USP49: variants seen among roughly 807,000 people sequenced by gnomAD.
USP49 encodes ubiquitin carboxyl-terminal hydrolase 49.
Under a neutral mutation model 58.6 loss-of-function variants are expected in USP49, and 24 were observed. That is an observed-to-expected ratio of 0.41 (90% CI 0.30 to 0.58). The LOEUF is 0.58. Ranked by LOEUF, USP49 falls within the 20% of genes least tolerant of loss-of-function variation. USP49 has a pLI of 0.30. For missense variants in USP49, 703 were observed against 866.1 expected, an observed-to-expected ratio of 0.81 and a Z score of 2.36; for synonymous variants, 408 against 365.1, an observed-to-expected ratio of 1.12 and a Z score of -1.34.
intron 4 of USP49, among the ~76,000 whole-genome samples, chr6:41,805,325 A>C (rs970255002): frequency 6.6e-6 from 1 of 152,218 alleles, no homozygotes; most frequent in Non-Finnish European, 1.5e-5. Context: ...AACAATGGGT[A>C]CTTAATTATA....
chr6:41,862,352 T>C (rs147023262), intron 3 of USP49, among the ~76,000 whole-genome samples: 2 of 152,356 alleles, frequency 1.3e-5, no homozygotes, highest in South Asian at 2.1e-4. Flanking sequence ...TCTTTAAATA[T>C]GTTTCAATAG....
intron 3 of USP49, among the ~76,000 whole-genome samples, chr6:41,820,075 G>A (rs1773427669): frequency 6.6e-6 from 1 of 152,052 alleles, no homozygotes; most frequent in South Asian, 2.1e-4. Context: ...GCAATCTGTG[G>A]TTCTTATTTA....
chr6:41,850,609 CTT>C (rs1392306401), intron 3 of USP49, among the ~76,000 whole-genome samples: 12 of 141,212 alleles, frequency 8.5e-5, no homozygotes, highest in East Asian at 2.0e-4. Flanking sequence ...TGGATAAATT[CTT>C]TTTTTTTTTT....
At chr6:41,851,822 G>A (rs1265571481) in intron 3 of USP49, among the ~76,000 whole-genome samples, 2 of 151,612 alleles carry the variant, frequency 1.3e-5, no homozygotes, top group East Asian at 1.9e-4. Context: ...AGGCATTGCG[G>A]CGGGCACCTG....
chr6:41,886,114 AAT>A, intron 2 of USP49, among the ~76,000 whole-genome samples: 1 of 152,208 alleles, frequency 6.6e-6, no homozygotes, highest in East Asian at 1.9e-4. Context: ...TTTTATATGC[AAT>A]GTTTATTAAC....
intron 3 of USP49, among the ~76,000 whole-genome samples, chr6:41,837,685 GAGAAAATATTTGC>G (rs1213718589): frequency 6.6e-6 from 1 of 152,142 alleles, no homozygotes; most frequent in Non-Finnish European, 1.5e-5. Flanking sequence ...CACAGAATGG[GAGAAAATATTTGC>G]AAGCTATGCA....
At chr6:41,822,098 ACT>A (rs1773462913) in intron 3 of USP49, among the ~76,000 whole-genome samples, 1 of 152,238 alleles carries the variant, frequency 6.6e-6, no homozygotes, top group Non-Finnish European at 1.5e-5. Flanking sequence ...GTAATAGAAT[ACT>A]AGTGCTACCA....
chr6:41,862,058 TTAAC>T (rs1439701741), intron 3 of USP49, among the ~76,000 whole-genome samples: 1 of 152,218 alleles, frequency 6.6e-6, no homozygotes, highest in Non-Finnish European at 1.5e-5. Flanking sequence ...CATAATGCAT[TTAAC>T]TAGCCCCCAT....
rs562629343 is a variant in USP49, at chr6:41,810,096, G to A, written c.-28-3085C>T. ...GAACCCGGGAGGCGGAGCTTGCAGT[G>A]AGCCGAGATCGCGCCACTGCACTTC... On this transcript the variant is annotated intron_variant, in intron 3 of 7. Coordinates refer to ENST00000682992, the MANE Select transcript of USP49 (RefSeq NM_001286554.2). Among the ~76,000 whole-genome samples the A allele has an allele frequency of 8.6e-5, 13 of 151,602 alleles. No homozygotes were observed. The East Asian group carries it at 2.3e-3, about 27-fold the overall frequency.
chr6:41,881,540 A>G (rs746036588), intron 2 of USP49, among the ~76,000 whole-genome samples: 1 of 152,120 alleles, frequency 6.6e-6, no homozygotes, highest in Non-Finnish European at 1.5e-5. Context: ...ACTAAAGGAA[A>G]AAAAAGTCTA....
Position 41,803,680 on chromosome 6 carries a change from A to T in USP49, c.1561+126T>A. On this transcript the variant is annotated intron_variant, in intron 5 of 7. Coordinates refer to ENST00000682992, the MANE Select transcript of USP49 (RefSeq NM_001286554.2). This position sits in a 1 kb window ranked among gnomAD's most constrained non-coding sequence, Gnocchi z 4.1. ...AGAAAAATGGGAGAAAAAGATCTTTAAAAGATGCTTTAGAACCATTCAATA... is the reference window on the plus strand; with the variant it reads ...AGAAAAATGGGAGAAAAAGATCTTTTAAAGATGCTTTAGAACCATTCAATA... The T allele has an allele frequency of 1.9e-6, 2 of 1,040,228 alleles. No individual in the cohort carries two copies. The highest frequency in any genetic ancestry group is 2.8e-6 in the Non-Finnish European group (2 of 714,680). The allele number at this position is 1,040,228 out of a possible 1,614,324, so 64.4% of individuals were successfully genotyped here. A position where few individuals can be genotyped will look rare whatever the true frequency, so the allele number is the denominator to read the frequency against.
rs1334778429 is a variant in USP49 at position 41,806,485 on chromosome 6, C to A, written c.499G>T (p.Ala167Ser). The A allele has an allele frequency of 6.3e-7, 1 of 1,597,860 alleles. No individual in the cohort carries two copies. The highest frequency in any genetic ancestry group is 8.5e-7 in the Non-Finnish European group (1 of 1,179,130). ...TCCTGCCGCCGCTGCTCCAGCTTCG[C>A]CTGGCCCCGGGAGCTCTTCTCGAAC... ...LWFEKSSRGQAKLEQRRQEEA... is the reference protein window; with the variant it reads ...LWFEKSSRGQSKLEQRRQEEA... The change falls in exon 4 of 8, where the codon GCG becomes TCG. Residue 167 changes from alanine (A) to serine (S), a missense_variant. Coordinates refer to ENST00000682992, the MANE Select transcript of USP49 (RefSeq NM_001286554.2). This position sits in a 1 kb window ranked among gnomAD's most constrained non-coding sequence, Gnocchi z 5.9.
intron 2 of USP49, among the ~76,000 whole-genome samples, chr6:41,881,601 C>T (rs1380286166): frequency 2.0e-5 from 3 of 151,850 alleles, no homozygotes; most frequent in South Asian, 2.1e-4. Context: ...AAATAGTAGG[C>T]GTGGCTTTGT....
chr6:41,835,965 C>CT (rs957182800), intron 3 of USP49, among the ~76,000 whole-genome samples: 44 of 152,142 alleles, frequency 2.9e-4, no homozygotes, highest in African/African-American at 1.0e-3. Context: ...GTAGTCCTAG[C>CT]TACTCAGGAG....
At chr6:41,847,789 G>A (rs1229522976) in intron 3 of USP49, among the ~76,000 whole-genome samples, 4 of 151,968 alleles carry the variant, frequency 2.6e-5, no homozygotes, top group Non-Finnish European at 2.9e-5. Context: ...TATAGGGCAC[G>A]ATCAGGACAA....
rs9349202 is a variant in USP49 at position 41,837,843 on chromosome 6, A to T, written c.-28-30832T>A. On this transcript the variant is annotated intron_variant, in intron 3 of 7. Transcript: ENST00000682992. ...AGAAGACATATGGTGGCCAACAAGC[A>T]TATGAAAAGAATGCTCAGCATCACT... 2.4e-3 allele frequency among the ~76,000 whole-genome samples: 360 copies of T among 152,288 alleles called. 2 individuals carry two copies. The highest frequency in any genetic ancestry group is 2.9e-3 in the Non-Finnish European group (199 of 68,030).
At chr6:41,855,876 C>T (rs1014767538) in intron 3 of USP49, among the ~76,000 whole-genome samples, 2 of 150,658 alleles carry the variant, frequency 1.3e-5, no homozygotes, top group East Asian at 2.0e-4. Flanking sequence ...GGCGAAACCC[C>T]GTCTCTACTA....
chr6:41,888,478 A>C (rs1429293621), intron 2 of USP49, among the ~76,000 whole-genome samples: 1 of 151,862 alleles, frequency 6.6e-6, no homozygotes, highest in Non-Finnish European at 1.5e-5. Flanking sequence ...TTTGAGACAG[A>C]GTTTCACTCT....
At chr6:41,817,457 C>CTTTTTTT (rs58559695) in intron 3 of USP49, among the ~76,000 whole-genome samples, 4 of 74,778 alleles carry the variant, frequency 5.3e-5, no homozygotes, top group Non-Finnish European at 1.0e-4. Flanking sequence ...TTCTTTCTTT[C>CTTTTTTT]TTTTTTTTTT....
Sources: gnomAD v4.1 joint callset for allele counts (sites outside exome capture counted in the v4.1 genomes callset) on GRCh38, gnomAD v4.1.1 for gene constraint, Gnocchi (gnomAD v3.1) non-coding constraint, MANE v1.5 for transcripts, NCBI Gene and HGNC (gene_info 2026-07-23, HGNC 2026-07-21) for gene names.